The following COP1 variants were observed in gnomAD, a reference collection of about 807,000 sequenced individuals.
The protein encoded by COP1 is E3 ubiquitin-protein ligase COP1.
In COP1, 24 loss-of-function variants were observed where a neutral mutation model predicts 101.3. The observed-to-expected ratio is 0.24, with a 90% CI of 0.17 to 0.33. COP1 has a LOEUF of 0.33. Among genes scored for constraint, COP1 ranks in the 10% least tolerant of loss-of-function variants. The pLI is 1.00. For synonymous variants in COP1, 347 were observed against 341.9 expected, an observed-to-expected ratio of 1.01 and a Z score of -0.17; for missense variants, 663 against 906.2, an observed-to-expected ratio of 0.73 and a Z score of 3.45.
At chr1:176,112,026 T>C (rs1445365071) in intron 9 of COP1, among the ~76,000 whole-genome samples, 1 of 152,228 alleles carries the variant, frequency 6.6e-6, no homozygotes, top group African/African-American at 2.4e-5. Context: ...CAGAGATTAG[T>C]CAGCTCTTCT....
chr1:176,034,352 T>C (rs1159846097), intron 14 of COP1, among the ~76,000 whole-genome samples: 1 of 152,170 alleles, frequency 6.6e-6, no homozygotes, highest in Non-Finnish European at 1.5e-5. Context: ...ATGGGTGGGC[T>C]TCAGTCACAG....
chr1:176,004,952 G>A (rs1662732519), intron 15 of COP1, among the ~76,000 whole-genome samples: 1 of 151,692 alleles, frequency 6.6e-6, no homozygotes, highest in African/African-American at 2.4e-5. Flanking sequence ...TGTACCTCTG[G>A]TAGAATTCAG....
At chr1:175,985,368 GATCTT>G in intron 18 of COP1, among the ~76,000 whole-genome samples, 1 of 152,286 alleles carries the variant, frequency 6.6e-6, no homozygotes, top group East Asian at 1.9e-4. Flanking sequence ...GCACTTAGAT[GATCTT>G]ATCTTTTTTC....
At chr1:176,083,409 G>T (rs571763777) in intron 10 of COP1, among the ~76,000 whole-genome samples, 1 of 151,950 alleles carries the variant, frequency 6.6e-6, no homozygotes, top group Non-Finnish European at 1.5e-5. Flanking sequence ...AAACCATAAA[G>T]AAAACAATAA....
chr1:176,010,975 A>C (rs1664556799), intron 15 of COP1, among the ~76,000 whole-genome samples: 1 of 152,186 alleles, frequency 6.6e-6, no homozygotes, highest in Non-Finnish European at 1.5e-5. Flanking sequence ...ATTAAAGTAC[A>C]TTTTTAAGGC....
chr1:176,148,920 AT>A, intron 6 of COP1, 85 bp downstream of exon 6: 3 of 870,012 alleles, frequency 3.4e-6, no homozygotes, highest in Non-Finnish European at 5.2e-6. Context: ...ATTTAAAGAA[AT>A]TTTTTAGCCT....
intron 8 of COP1, among the ~76,000 whole-genome samples, chr1:176,127,190 C>A (rs1380461908): frequency 6.6e-6 from 1 of 152,128 alleles, no homozygotes; most frequent in Non-Finnish European, 1.5e-5. Context: ...TCCACCACCT[C>A]AAATATTTCT....
At chr1:176,182,578 T>C (rs1325107702) in intron 2 of COP1, among the ~76,000 whole-genome samples, 6 of 152,206 alleles carry the variant, frequency 3.9e-5, no homozygotes, top group Non-Finnish European at 8.8e-5. Context: ...AATATGTCAA[T>C]AGTGACAAGG....
At chr1:175,994,095 T>A (rs1480158490) in intron 15 of COP1, among the ~76,000 whole-genome samples, 1 of 152,170 alleles carries the variant, frequency 6.6e-6, no homozygotes, top group African/African-American at 2.4e-5. Flanking sequence ...ATATTCAACA[T>A]TCCTAAAGAA....
intron 18 of COP1, among the ~76,000 whole-genome samples, chr1:175,976,684 T>C (rs1571344408): frequency 6.6e-6 from 1 of 152,266 alleles, no homozygotes; most frequent in East Asian, 1.9e-4. Context: ...ATTTGGCTGG[T>C]TAGCAAAAAT....
chr1:176,162,921 T>A lies in COP1; in HGVS notation c.710A>T (p.Asn237Ile). The part of the protein sequence containing the change: ...GTDQDNLDLA[N>I]VNLMLELLVQ... ...TAGTAACTCCAACATAAGATTGACATTGGCCAAATCAAGGTTATCTTGGTC... is the reference window on the plus strand; with the variant it reads ...TAGTAACTCCAACATAAGATTGACAATGGCCAAATCAAGGTTATCTTGGTC... The change falls in exon 5 of 20, where the codon AAT (asparagine) becomes ATT (isoleucine). Residue 237 changes from asparagine to isoleucine, a missense_variant. By Grantham distance (149) the Asn-to-Ile change is moderately radical. Around this residue, in one of 4 missense-constraint regions of COP1, gnomAD observed 212 missense variants for 240.7 expected, o/e 0.88. Transcript: ENST00000367669. 1 of 1,609,462 alleles carries A rather than the reference T, an allele frequency of 6.2e-7. No individual in the cohort carries two copies. The highest frequency in any genetic ancestry group is 8.5e-7 in the Non-Finnish European group (1 of 1,177,868).
intron 11 of COP1, among the ~76,000 whole-genome samples, chr1:176,070,334 CTTTTT>C (rs558421046): frequency 2.2e-5 from 3 of 138,704 alleles, no homozygotes; most frequent in Non-Finnish European, 4.7e-5. Context: ...CTTGTGCTGC[CTTTTT>C]TTTTTTTTTT....
At chr1:176,094,031 A>C (rs1681862477) in intron 9 of COP1, among the ~76,000 whole-genome samples, 1 of 62,992 alleles carries the variant, frequency 1.6e-5, no homozygotes, top group Middle Eastern at 5.7e-3. Flanking sequence ...CAAAAAAAAA[A>C]GGAAAAAAAA....
chr1:176,178,006 A>G (rs1441024526), intron 2 of COP1, among the ~76,000 whole-genome samples: 3 of 152,176 alleles, frequency 2.0e-5, no homozygotes, highest in Non-Finnish European at 4.4e-5. Context: ...GACCTGCACA[A>G]TGTTCCAAAA....
chr1:176,158,055 T>TA (rs1197979407), intron 5 of COP1, among the ~76,000 whole-genome samples: 1 of 150,804 alleles, frequency 6.6e-6, no homozygotes, highest in Non-Finnish European at 1.5e-5. Flanking sequence ...TCTACAGATC[T>TA]AAAAAATTCA....
intron 14 of COP1, among the ~76,000 whole-genome samples, chr1:176,033,693 A>G (rs1285918805): frequency 6.6e-6 from 1 of 152,180 alleles, no homozygotes; most frequent in Non-Finnish European, 1.5e-5. Context: ...GTTCTTTAAC[A>G]TGTAATTACG....
intron 1 of COP1, among the ~76,000 whole-genome samples, chr1:176,191,541 A>C (rs1699113491): frequency 6.6e-6 from 1 of 151,886 alleles, no homozygotes; most frequent in Non-Finnish European, 1.5e-5. Context: ...TCCAAATTCA[A>C]CTGGCCCCAA....
intron 19 of COP1, among the ~76,000 whole-genome samples, chr1:175,946,589 T>G (rs1156571186): frequency 6.6e-6 from 1 of 152,256 alleles, no homozygotes; most frequent in Non-Finnish European, 1.5e-5. Flanking sequence ...GATTTATTTA[T>G]CCAATGTATC....
intron 11 of COP1, among the ~76,000 whole-genome samples, chr1:176,072,851 A>T (rs1049397277): frequency 2.0e-5 from 3 of 152,176 alleles, no homozygotes; most frequent in African/African-American, 7.2e-5. Flanking sequence ...ATACGTCAAA[A>T]ATTAGTATAA....
Sources: allele counts gnomAD v4.1 joint callset (sites outside exome capture counted in the v4.1 genomes callset), GRCh38; gene constraint gnomAD v4.1.1; regional missense constraint gnomAD v4.1.1; transcripts MANE v1.5; gene names NCBI Gene and HGNC (gene_info 2026-07-23, HGNC 2026-07-21).